The following DDX18 variants were observed in gnomAD, a reference collection of about 807,000 sequenced individuals.
DDX18 encodes ATP-dependent RNA helicase DDX18.
In DDX18, 23 loss-of-function variants were observed where a neutral mutation model predicts 73.5. The ratio of observed to expected loss-of-function variants is 0.31; its 90% CI spans 0.23 to 0.44. The LOEUF (loss-of-function observed/expected upper bound fraction) is 0.44. Ranked by LOEUF, DDX18 falls within the 20% of genes least tolerant of loss-of-function variation. DDX18 has a pLI of 1.00. For synonymous variants in DDX18, 268 were observed against 282.7 expected, an observed-to-expected ratio of 0.95 and a Z score of 0.52; for missense variants, 753 against 792.9, an observed-to-expected ratio of 0.95 and a Z score of 0.60.
At chr2:117,814,933 GC>G in intron 1 of DDX18, 71 bp downstream of exon 1, 1 of 1,497,014 alleles carries the variant, frequency 6.7e-7, no homozygotes, top group Non-Finnish European at 9.3e-7. Context: ...GCGGCCGGGG[GC>G]CCAGCTGCTC....
intron 13 of DDX18, among the ~76,000 whole-genome samples, chr2:117,829,789 C>T (rs1209360073): frequency 3.3e-5 from 5 of 152,198 alleles, no homozygotes; most frequent in Non-Finnish European, 7.3e-5. Context: ...AAAATCAAAA[C>T]TTCAGTGTTT....
In DDX18 at chr2:117,831,800, CG is replaced by C. The variant is rs764333804; in HGVS notation, c.*1077del. 6 of 152,062 alleles carry C rather than the reference CG, an allele frequency of 3.9e-5. No homozygotes were observed. The highest frequency in any genetic ancestry group is 8.8e-5 in the Non-Finnish European group (6 of 68,008). The allele number at this position is 152,062 out of a possible 1,614,324, so 9.4% of individuals were successfully genotyped here. ...CAGTGATTTAGTCAGATGAGTTTTT[CG>C]TTGTAGGAGCACTTGATTTCTAGTG... On this transcript the variant is annotated 3_prime_UTR_variant, in exon 14 of 14. Transcript: ENST00000263239.
Position 117,824,625 on chromosome 2 carries a change from G to A in DDX18, c.1123G>A (p.Ala375Thr), listed in dbSNP as rs1679895309. 2 of 1,501,868 alleles carry A rather than the reference G, an allele frequency of 1.3e-6. No individual in the cohort carries two copies. Among genetic ancestry groups the A allele is most frequent in the East Asian group, 5.0e-5 (2 of 40,400 alleles). 93.0% of individuals were successfully genotyped at this position (1,501,868 alleles called of 1,614,324 possible). ...CCAAACTCGAAAAGTTGAAGACCTG[G>A]CAAGGATTTCTCTGAAAAAGGAGCC... ...ATQTRKVEDL[A>T]RISLKKEPLY... The change falls in exon 8 of 14, where the codon GCA becomes ACA. Residue 375 changes from alanine (A) to threonine (T), a missense_variant. Physicochemically the swap from Ala to Thr is moderately conservative, Grantham distance 58 (BLOSUM62 0). This residue lies in a region of DDX18 where 402 missense variants were observed against 419.4 expected (regional missense o/e 0.96). Transcript: ENST00000263239.
At chr2:117,826,706 C>G (rs555707046) in intron 11 of DDX18, 2 of 293,016 alleles carry the variant, frequency 6.8e-6, no homozygotes, top group East Asian at 7.2e-5. Flanking sequence ...CTTCTGCTCC[C>G]CTTCTTTCCT....
chr2:117,829,142 G>A lies in DDX18; in HGVS notation c.1692+137G>A, dbSNP rs907993478. ...AGGATCAGGCTGTGTAGTGTATAAG[G>A]TTTCTTGCTATTCTAGTTATCACCA... On this transcript the variant is annotated intron_variant, in intron 12 of 13. Transcript: ENST00000263239. The A allele has an allele frequency of 3.5e-6, 4 of 1,135,556 alleles. No homozygotes were observed. In the African/African-American group the frequency reaches 6.3e-5, roughly 18 times the overall value. 70.3% of individuals were successfully genotyped at this position (1,135,556 alleles called of 1,614,324 possible).
rs745507097 is a variant in DDX18 at position 117,814,758 on chromosome 2, C to T, written c.-20C>T. On this transcript the variant is annotated 5_prime_UTR_variant, in exon 1 of 14. Coordinates refer to ENST00000263239, the MANE Select transcript of DDX18 (RefSeq NM_006773.4). ...TAGCTGTACTGTGTGGCGCCTTATTCTAGGCACTTGTTGGGCAGAATGTCA... is the reference window on the plus strand; with the variant it reads ...TAGCTGTACTGTGTGGCGCCTTATTTTAGGCACTTGTTGGGCAGAATGTCA... The T allele has an allele frequency of 2.5e-6, 4 of 1,613,466 alleles. No individual in the cohort carries two copies. Among genetic ancestry groups the T allele is most frequent in the South Asian group, 2.2e-5 (2 of 91,046 alleles).
intron 1 of DDX18, 108 bp from the exon 2 acceptor site, chr2:117,817,336 C>T: frequency 1.9e-6 from 2 of 1,064,866 alleles, no homozygotes; most frequent in South Asian, 3.8e-5. Context: ...AGAAGAAAAT[C>T]TAAATAATTT....
At chr2:117,822,562 C>G (rs902026097) in intron 7 of DDX18, 22 of 304,960 alleles carry the variant, frequency 7.2e-5, no homozygotes, top group Non-Finnish European at 1.4e-4. Flanking sequence ...GATTTTTTGC[C>G]TTACTTGTAC....
rs1558735808 is a variant in DDX18 at position 117,830,729 on chromosome 2, A to G, written c.*5A>G. 6.2e-7 allele frequency: 1 copy of G among 1,610,100 alleles called. No homozygotes were observed. On this transcript the variant is annotated 3_prime_UTR_variant, in exon 14 of 14. Transcript: ENST00000263239. ...AGCAGGCAGTTCTCTCACTGAACAC[A>G]TGCCTTCCTTTCATCTTGAATAACT...
intron 2 of DDX18, among the ~76,000 whole-genome samples, chr2:117,819,267 C>CTT (rs1158896859): frequency 6.6e-6 from 1 of 152,134 alleles, no homozygotes; most frequent in East Asian, 1.9e-4. Context: ...CCTTTACAGT[C>CTT]TATCTCTAGT....
chr2:117,818,861 A>G (rs940585676), intron 2 of DDX18, among the ~76,000 whole-genome samples: 3 of 152,150 alleles, frequency 2.0e-5, no homozygotes, highest in Non-Finnish European at 4.4e-5. Flanking sequence ...CAGGGAAAAC[A>G]AAATAAGCCA....
intron 13 of DDX18, among the ~76,000 whole-genome samples, chr2:117,830,015 G>A (rs1175993029): frequency 1.3e-5 from 2 of 152,198 alleles, no homozygotes; most frequent in African/African-American, 4.8e-5. Context: ...TATAATTTGT[G>A]CCTTTCAGAA....
chr2:117,825,318 A>C, intron 9 of DDX18, 129 bp from the exon 10 acceptor site: 1 of 1,281,926 alleles, frequency 7.8e-7, no homozygotes, highest in Non-Finnish European at 1.1e-6. Flanking sequence ...GGCTTGCGGA[A>C]CAGTTGGGGA....
rs1197390402 is a variant in DDX18 at position 117,815,458 on chromosome 2, C to T, written c.85+596C>T. On this transcript the variant is annotated intron_variant, in intron 1 of 13. Coordinates refer to ENST00000263239, the MANE Select transcript of DDX18 (RefSeq NM_006773.4). ...TGAATGTCACCTTTCTTACCTACCT[C>T]ATTTGCAGTCCCAGTGTCCTGACAG... Among the ~76,000 whole-genome samples, 9 of 152,282 alleles carry T rather than the reference C, an allele frequency of 5.9e-5. No individual in the cohort carries two copies. In the East Asian group the frequency reaches 1.7e-3, roughly 29 times the overall value.
At chr2:117,830,334 G>A (rs773669245) in intron 13 of DDX18, among the ~76,000 whole-genome samples, 4 of 152,126 alleles carry the variant, frequency 2.6e-5, no homozygotes, top group African/African-American at 4.8e-5. Context: ...TCATCGTGTG[G>A]AAGAAATAAT....
chr2:117,818,329 C>A (rs1039686546), intron 2 of DDX18, among the ~76,000 whole-genome samples: 68 of 152,164 alleles, frequency 4.5e-4, no homozygotes, highest in African/African-American at 1.6e-3. Context: ...TTTACTGGGT[C>A]ATAGCAATGC....
chr2:117,815,717 C>G (rs1475266066), intron 1 of DDX18: 2 of 152,132 alleles, frequency 1.3e-5, no homozygotes, highest in Non-Finnish European at 2.9e-5. Context: ...TACTTTTCAG[C>G]GCATATGTAA....
chr2:117,829,358 C>G lies in DDX18; in HGVS notation c.1762C>G (p.Arg588Gly), dbSNP rs777870407. The G allele has an allele frequency of 6.2e-7, 1 of 1,613,862 alleles. No individual in the cohort carries two copies. Among genetic ancestry groups the G allele is most frequent in the Non-Finnish European group, 8.5e-7 (1 of 1,179,872 alleles). The change falls in exon 13 of 14, where the codon CGA becomes GGA. Residue 588 changes from arginine (R) to glycine (G), a missense_variant. Arg to Gly is a moderately radical substitution (Grantham distance 125). Transcript: ENST00000263239. ...SAQEAYKSYI[R>G]AYDSHSLKQI... ...CCAGGAAGCATATAAGTCATACATA[C>G]GAGCCTATGATTCCCATTCTCTGAA...
chr2:117,829,217 A>G lies in DDX18; in HGVS notation c.1693-72A>G, dbSNP rs796853791. 1.5e-5 allele frequency: 22 copies of G among 1,479,856 alleles called. No individual in the cohort carries two copies. In the African/African-American group the frequency reaches 3.0e-4, roughly 20 times the overall value. 91.7% of individuals were successfully genotyped at this position (1,479,856 alleles called of 1,614,324 possible). ...CCATGGAGTGGCTTTGCTCTAGGAT[A>G]TTTAAAATCTGGTGTTTTGGAGGTT... On this transcript the variant is annotated intron_variant, in intron 12 of 13. Coordinates refer to ENST00000263239, the MANE Select transcript of DDX18 (RefSeq NM_006773.4).
Sources: allele counts gnomAD v4.1 joint callset (sites outside exome capture counted in the v4.1 genomes callset), GRCh38; gene constraint gnomAD v4.1.1; regional missense constraint gnomAD v4.1.1; transcripts MANE v1.5; gene names NCBI Gene and HGNC (gene_info 2026-07-23, HGNC 2026-07-21).